The following CMTM4 variants were observed in gnomAD, a reference collection of about 807,000 sequenced individuals.
CMTM4 encodes CKLF-like MARVEL transmembrane domain-containing protein 4.
A neutral mutation model predicts 19.0 loss-of-function variants in CMTM4; 8 were observed. That is an observed-to-expected ratio of 0.42 (90% CI 0.25 to 0.76). The LOEUF is 0.76. Ranked by LOEUF, CMTM4 falls within the 30% of genes least tolerant of loss-of-function variation. CMTM4 has a pLI of 0.27. For missense variants in CMTM4, 228 were observed against 290.2 expected (o/e 0.79, Z 1.56); for synonymous variants, 106 against 121.1 (o/e 0.88, Z 0.82).
At chr16:66,638,117 T>C (rs2016031142) in intron 1 of CMTM4, among the ~76,000 whole-genome samples, 1 of 152,176 alleles carries the variant, frequency 6.6e-6, no homozygotes, top group Non-Finnish European at 1.5e-5. Context: ...CTGCCAGACA[T>C]CAGCTTATCC....
intron 2 of CMTM4, among the ~76,000 whole-genome samples, chr16:66,625,551 T>G (rs1477211840): frequency 2.0e-5 from 3 of 151,682 alleles, no homozygotes. Flanking sequence ...GAGTGAAGAA[T>G]GAGATGATGA....
intron 1 of CMTM4, among the ~76,000 whole-genome samples, chr16:66,668,629 T>A (rs1474586476): frequency 1.3e-5 from 2 of 152,196 alleles, no homozygotes; most frequent in Non-Finnish European, 2.9e-5. Context: ...AAATCTAGAA[T>A]GTCATATATT....
chr16:66,620,408 G>A lies in CMTM4; in HGVS notation c.*1650C>T, dbSNP rs1161393430. The A allele has an allele frequency of 6.1e-6, 6 of 985,476 alleles. No homozygotes were observed. The highest frequency in any genetic ancestry group is 7.2e-6 in the Non-Finnish European group (6 of 829,986). The allele number at this position is 985,476 out of a possible 1,614,324, so 61.0% of individuals were successfully genotyped here. ...CGTGGTGCTCAGCCACATAGCCTGGGACACTGCTCCCAACTCAGATCGTAC... is the reference window on the plus strand; with the variant it reads ...CGTGGTGCTCAGCCACATAGCCTGGAACACTGCTCCCAACTCAGATCGTAC... On this transcript the variant is annotated 3_prime_UTR_variant, in exon 4 of 4. Transcript: ENST00000394106.
intron 2 of CMTM4, among the ~76,000 whole-genome samples, chr16:66,631,321 C>T (rs9674044): frequency 4.7e-4 from 71 of 151,440 alleles, no homozygotes; most frequent in African/African-American, 1.6e-3. Context: ...GGGGTCAGCC[C>T]CCGCCCGGCC....
At chr16:66,638,374 C>T (rs1431143347) in intron 1 of CMTM4, among the ~76,000 whole-genome samples, 5 of 152,218 alleles carry the variant, frequency 3.3e-5, no homozygotes, top group Non-Finnish European at 7.3e-5. Context: ...CTGCCTTTCC[C>T]ATTGTCAATA....
intron 1 of CMTM4, among the ~76,000 whole-genome samples, chr16:66,641,342 CTTGTT>C (rs1253668637): frequency 5.3e-5 from 8 of 152,140 alleles, no homozygotes; most frequent in Non-Finnish European, 1.0e-4. Flanking sequence ...CCTAAGATGT[CTTGTT>C]TTAAGTCACA....
At chr16:66,607,217 C>A in the CMTM4 span, among the ~76,000 whole-genome samples, 1 of 152,242 alleles carries the variant, frequency 6.6e-6, no homozygotes, top group Non-Finnish European at 1.5e-5. Context: ...CTGCAGCGTA[C>A]CTGGGCTGCA....
the CMTM4 span, among the ~76,000 whole-genome samples, chr16:66,600,856 C>T: frequency 6.6e-6 from 1 of 152,274 alleles, no homozygotes. Flanking sequence ...GGAAGCAATA[C>T]TGCACTATAG....
chr16:66,600,007 G>A, the CMTM4 span, among the ~76,000 whole-genome samples: 1 of 151,714 alleles, frequency 6.6e-6, no homozygotes, highest in Non-Finnish European at 1.5e-5. Context: ...CTTATTGGAC[G>A]TTCATATATG....
downstream of CMTM4, among the ~76,000 whole-genome samples, chr16:66,612,383 AAAC>A (rs1170646476): frequency 1.3e-5 from 2 of 152,070 alleles, no homozygotes; most frequent in Admixed American, 6.5e-5. This position sits in a 1 kb window ranked among gnomAD's most constrained non-coding sequence, Gnocchi z 6.0. Flanking sequence ...CAAAGACAAA[AAAC>A]AACAACAAAA....
chr16:66,605,069 C>T, the CMTM4 span: 8 of 949,014 alleles, frequency 8.4e-6, no homozygotes, highest in African/African-American at 5.2e-5. The surrounding 1 kb of genome is among the most constrained non-coding windows in gnomAD (Gnocchi z 4.6). Context: ...ACCCCCTCTC[C>T]GCGCCGCCTC....
In CMTM4 at chr16:66,618,955, C is replaced by A; in HGVS notation, c.*3103G>T. 7.1e-6 allele frequency: 7 copies of A among 985,514 alleles called. No individual in the cohort carries two copies. Among genetic ancestry groups the A allele is most frequent in the Non-Finnish European group, 8.4e-6 (7 of 829,964 alleles). 61.0% of individuals were successfully genotyped at this position (985,514 alleles called of 1,614,324 possible). A position where few individuals can be genotyped will look rare whatever the true frequency, so the allele number is the denominator to read the frequency against. ...CCCATGCTGGCTTCAGCTCACATTG[C>A]CAAGGAAGATGTGTATTGGGGCTGT... On this transcript the variant is annotated 3_prime_UTR_variant, in exon 4 of 4. Transcript: ENST00000394106.
In CMTM4 at chr16:66,665,886, T is replaced by C. The variant is rs185753236; in HGVS notation, c.187-29305A>G. Reference sequence around the variant, plus strand: ...GAGTTCGAGACCAGCCTGGCCAACATGGCAAAAACCCGTCTCTACTAAAAA... The same window carrying C: ...GAGTTCGAGACCAGCCTGGCCAACACGGCAAAAACCCGTCTCTACTAAAAA... On this transcript the variant is annotated intron_variant, in intron 1 of 3. Transcript: ENST00000394106. 2.1e-3 allele frequency among the ~76,000 whole-genome samples: 313 copies of C among 150,086 alleles called. 1 individual carries two copies. Among genetic ancestry groups the C allele is most frequent in the Middle Eastern group, 0.014 (4 of 280 alleles).
intron 1 of CMTM4, among the ~76,000 whole-genome samples, chr16:66,679,942 C>T (rs2016877287): frequency 6.6e-6 from 1 of 152,048 alleles, no homozygotes; most frequent in Non-Finnish European, 1.5e-5. Context: ...AGGTAGACTG[C>T]ACAGCTCCCC....
At chr16:66,657,187 C>T (rs1020396185) in intron 1 of CMTM4, among the ~76,000 whole-genome samples, 19 of 151,328 alleles carry the variant, frequency 1.3e-4, no homozygotes, top group Non-Finnish European at 4.4e-5. Flanking sequence ...CAGGTTCATG[C>T]GGTTCTCCTG....
chr16:66,653,291 T>C (rs531638487), intron 1 of CMTM4, among the ~76,000 whole-genome samples: 12 of 152,120 alleles, frequency 7.9e-5, no homozygotes, highest in Non-Finnish European at 1.6e-4. Context: ...TCAGCCAAAA[T>C]AGTGAACTGC....
downstream of CMTM4, chr16:66,612,802 C>G (rs1302636216): frequency 8.9e-6 from 6 of 677,634 alleles, no homozygotes; most frequent in East Asian, 2.7e-5. The surrounding 1 kb of genome is among the most constrained non-coding windows in gnomAD (Gnocchi z 6.0). Context: ...CCCAGCCTAC[C>G]AGGCTTGCCC....
At chr16:66,668,586 T>C (rs1327959700) in intron 1 of CMTM4, among the ~76,000 whole-genome samples, 2 of 152,166 alleles carry the variant, frequency 1.3e-5, no homozygotes, top group Admixed American at 6.6e-5. Context: ...AGTGTCATAA[T>C]ATTATGAGTA....
intron 1 of CMTM4, among the ~76,000 whole-genome samples, chr16:66,639,728 C>A (rs1452104190): frequency 6.6e-6 from 1 of 152,020 alleles, no homozygotes; most frequent in African/African-American, 2.4e-5. Context: ...ACTAAAAATA[C>A]AAAAAGTAGC....
Sources: gnomAD v4.1 joint callset for allele counts (sites outside exome capture counted in the v4.1 genomes callset) on GRCh38, gnomAD v4.1.1 for gene constraint, Gnocchi (gnomAD v3.1) non-coding constraint, MANE v1.5 for transcripts, NCBI Gene and HGNC (gene_info 2026-07-23, HGNC 2026-07-21) for gene names.